ZFHX3: variants seen among roughly 807,000 people sequenced by gnomAD.
ZFHX3 encodes zinc finger homeobox protein 3.
A neutral mutation model predicts 279.1 loss-of-function variants in ZFHX3; 42 were observed. That is an observed-to-expected ratio of 0.15 (90% CI 0.12 to 0.19). The LOEUF is 0.19. Among genes scored for constraint, ZFHX3 ranks in the 10% least tolerant of loss-of-function variants. The probability of loss-of-function intolerance (pLI) is 1.00; values close to 1 mark genes in which losing one functional copy is unlikely to be tolerated. For missense variants in ZFHX3, 4,981 were observed against 4,754.0 expected (o/e 1.05, Z -1.40); for synonymous variants, 2,293 against 1,957.8 (o/e 1.17, Z -4.52).
At chr16:73,261,832 C>T (rs551067041) in intron 4 of ZFHX3, among the ~76,000 whole-genome samples, 175 of 152,104 alleles carry the variant, frequency 1.2e-3, no homozygotes, top group African/African-American at 2.8e-3. Flanking sequence ...TGCACCACCA[C>T]GCTCGGCGAA....
rs138786245 is a variant in ZFHX3, at chr16:73,251,672, T to A, written c.-1104+5375A>T. On this transcript the variant is annotated intron_variant, in intron 5 of 17. Transcript: ENST00000641206. ...TTAGGGACAAGAGTAAAACACACAT[T>A]CACACACATACACACCACACACACA... Among the ~76,000 whole-genome samples, 4 of 150,648 alleles carry A rather than the reference T, an allele frequency of 2.7e-5. No homozygotes were observed. In the East Asian group the frequency reaches 7.8e-4, roughly 29 times the overall value.
At chr16:73,791,502 G>A (rs1567411807) in intron 1 of ZFHX3, among the ~76,000 whole-genome samples, 4 of 152,068 alleles carry the variant, frequency 2.6e-5, no homozygotes. Context: ...TTGGCTCACT[G>A]CGACCTCCGT....
rs774230720 is a variant in ZFHX3, at chr16:72,959,103, T to G, written c.1043A>C (p.Gln348Pro). The part of the protein sequence containing the change: ...SFLEPKNKNF[Q>P]HPLVSTANLI... ...GTTAGCTGTGGAAACTAAAGGGTGT[T>G]GAAAGTTTTTGTTTTTTGGTTCCAG... The change falls in exon 2 of 10, where the codon CAA becomes CCA. Residue 348 changes from glutamine to proline, a missense_variant. Transcript: ENST00000268489. 2 of 1,614,246 alleles carry G rather than the reference T, an allele frequency of 1.2e-6. No individual in the cohort carries two copies. Among genetic ancestry groups the G allele is most frequent in the South Asian group, 2.2e-5 (2 of 91,086 alleles).
In ZFHX3 at chr16:72,795,593, G is replaced by A; in HGVS notation, c.7089C>T (p.Ser2363=). ...TGGCATCCATGGAATCCTCATTTTG[G>A]CTGTCGTCCTGCCCCTCCTCATCCT... ...KDEDEEGQDD[S]QNEDSMDAME... Residue 2363 remains serine (S), a synonymous_variant, in exon 9 of 10, where the codon AGC becomes AGT. Transcript: ENST00000268489. 1 of 1,613,944 alleles carries A rather than the reference G, an allele frequency of 6.2e-7. No homozygotes were observed. Among genetic ancestry groups the A allele is most frequent in the East Asian group, 2.2e-5 (1 of 44,854 alleles).
At chr16:73,555,370 G>A (rs992014132) in intron 2 of ZFHX3, among the ~76,000 whole-genome samples, 1 of 151,958 alleles carries the variant, frequency 6.6e-6, no homozygotes, top group Non-Finnish European at 1.5e-5. Context: ...CAGCCAGGAT[G>A]GTCCCGATAT....
At chr16:73,331,039 T>C (rs2015791811) in intron 3 of ZFHX3, among the ~76,000 whole-genome samples, 1 of 152,110 alleles carries the variant, frequency 6.6e-6, no homozygotes, top group Non-Finnish European at 1.5e-5. Context: ...GACTGGGTAA[T>C]TTATAAAGGA....
At chr16:73,176,143 G>A (rs370957435) in intron 5 of ZFHX3, among the ~76,000 whole-genome samples, 33 of 152,142 alleles carry the variant, frequency 2.2e-4, no homozygotes, top group African/African-American at 6.3e-4. Context: ...ATCTAGCACC[G>A]TCCCATCACT....
At position 72,794,455 on chromosome 16, in the gene ZFHX3, A is replaced by C. The variant is rs1405922872; in HGVS notation, c.8227T>G (p.Tyr2743Asp). 6.2e-7 allele frequency: 1 copy of C among 1,614,162 alleles called. No individual in the cohort carries two copies. Among genetic ancestry groups the C allele is most frequent in the Non-Finnish European group, 8.5e-7 (1 of 1,180,028 alleles). ...AGCATCGCAGACAGAGTTAGGTTGTAGCCAGCTCTCTTGGCTTCATGCCAG... is the reference window on the plus strand; with the variant it reads ...AGCATCGCAGACAGAGTTAGGTTGTCGCCAGCTCTCTTGGCTTCATGCCAG... ...RHWHEAKRAG[Y>D]NLTLSAMLLD... Residue 2743 changes from tyrosine to aspartate, a missense_variant, in exon 9 of 10, where the codon TAC (tyrosine) becomes GAC (aspartate). By Grantham distance (160) the Tyr-to-Asp change is radical (BLOSUM62 -3). Around this residue, in one of 7 missense-constraint regions of ZFHX3, gnomAD observed 744 missense variants for 701.3 expected, o/e 1.06. Transcript: ENST00000268489. This position sits in a 1 kb window ranked among gnomAD's most constrained non-coding sequence, Gnocchi z 4.2.
At chr16:73,440,428 T>C (rs1032669478) in intron 3 of ZFHX3, among the ~76,000 whole-genome samples, 2 of 152,192 alleles carry the variant, frequency 1.3e-5, no homozygotes, top group Non-Finnish European at 2.9e-5. Context: ...AGAAAAACTG[T>C]AGTCAATCTG....
intron 2 of ZFHX3, among the ~76,000 whole-genome samples, chr16:73,619,518 A>ATATATATATATG (rs1198797728): frequency 1.3e-5 from 2 of 149,932 alleles, no homozygotes; most frequent in African/African-American, 4.9e-5. Flanking sequence ...ATATATATAT[A>ATATATATATATG]TGTCTGTAAG....
At chr16:72,935,868 T>TGAGAA (rs1960095699) in intron 3 of ZFHX3, among the ~76,000 whole-genome samples, 16 of 152,122 alleles carry the variant, frequency 1.1e-4, no homozygotes, top group Admixed American at 8.5e-4. Flanking sequence ...GGTAAGGATC[T>TGAGAA]TACAACTAAG....
chr16:73,447,946 T>A (rs770241258), intron 3 of ZFHX3, among the ~76,000 whole-genome samples: 1 of 151,990 alleles, frequency 6.6e-6, no homozygotes, highest in Non-Finnish European at 1.5e-5. Flanking sequence ...TGATGTGAGG[T>A]AAAGGAGTTG....
chr16:73,248,775 G>A (rs1407323753), intron 5 of ZFHX3, among the ~76,000 whole-genome samples: 3 of 152,068 alleles, frequency 2.0e-5, no homozygotes, highest in Admixed American at 6.5e-5. Flanking sequence ...CATGAGTAAC[G>A]TCAAAGAAGT....
At chr16:73,366,603 A>G (rs949751547) in intron 3 of ZFHX3, among the ~76,000 whole-genome samples, 42 of 151,012 alleles carry the variant, frequency 2.8e-4, no homozygotes, top group African/African-American at 8.8e-4. Context: ...AAAAAAAAAA[A>G]AAAGAGAGAA....
intron 3 of ZFHX3, among the ~76,000 whole-genome samples, chr16:73,386,162 C>T (rs1000234569): frequency 3.3e-5 from 5 of 151,814 alleles, no homozygotes; most frequent in African/African-American, 9.7e-5. Context: ...TGCTCACTCT[C>T]GCTCTCTTTC....
chr16:73,051,709 A>G (rs1343037614), upstream of ZFHX3, among the ~76,000 whole-genome samples: 1 of 152,230 alleles, frequency 6.6e-6, no homozygotes, highest in African/African-American at 2.4e-5. Flanking sequence ...GAGTTTTTCT[A>G]AATTAATTTT....
At chr16:73,689,810 G>GTTTTTTTT (rs1567552757) in intron 1 of ZFHX3, among the ~76,000 whole-genome samples, 4 of 149,684 alleles carry the variant, frequency 2.7e-5, no homozygotes, top group African/African-American at 4.9e-5. Flanking sequence ...ACAGTTTTTT[G>GTTTTTTTT]TTTTTTGTTT....
At chr16:73,765,882 GC>G (rs2053931574) in intron 1 of ZFHX3, among the ~76,000 whole-genome samples, 1 of 152,188 alleles carries the variant, frequency 6.6e-6, no homozygotes, top group Admixed American at 6.5e-5. Context: ...CACACCACTG[GC>G]CAGGAGGCTT....
At chr16:73,254,512 G>A (rs1206218342) in intron 5 of ZFHX3, among the ~76,000 whole-genome samples, 2 of 151,836 alleles carry the variant, frequency 1.3e-5, no homozygotes, top group Admixed American at 6.6e-5. Flanking sequence ...AAAGAATCAT[G>A]GGATTCTTTT....
Sources: allele counts gnomAD v4.1 joint callset (sites outside exome capture counted in the v4.1 genomes callset), GRCh38; gene constraint gnomAD v4.1.1; regional missense constraint gnomAD v4.1.1; non-coding constraint Gnocchi (gnomAD v3.1); transcripts MANE v1.5; gene names NCBI Gene and HGNC (gene_info 2026-07-23, HGNC 2026-07-21).